The following RASA3 variants were observed in gnomAD, a reference collection of about 807,000 sequenced individuals.
RASA3 encodes RAS p21 protein activator 3.
Under a neutral mutation model 110.0 loss-of-function variants are expected in RASA3, and 73 were observed. That is an observed-to-expected ratio of 0.66 (90% CI 0.55 to 0.81). The LOEUF (loss-of-function observed/expected upper bound fraction) is 0.81. RASA3 is among the 30% of genes least tolerant of loss of function. The pLI is 0.00. For synonymous variants in RASA3, 500 were observed against 451.4 expected (o/e 1.11, Z -1.37); for missense variants, 976 against 1,113.2 (o/e 0.88, Z 1.75).
At chr13:114,091,058 T>C (rs2079885171) in intron 1 of RASA3, among the ~76,000 whole-genome samples, 1 of 152,236 alleles carries the variant, frequency 6.6e-6, no homozygotes, top group Non-Finnish European at 1.5e-5. Context: ...CATGCCCATC[T>C]GTAGACGCAC....
At chr13:114,002,752 C>G (rs966158683) in intron 18 of RASA3, among the ~76,000 whole-genome samples, 2 of 152,202 alleles carry the variant, frequency 1.3e-5, no homozygotes, top group Non-Finnish European at 2.9e-5. Context: ...CTGCACAGCT[C>G]TGGTCTGGGC....
intron 5 of RASA3, among the ~76,000 whole-genome samples, chr13:114,028,933 G>GGT (rs2054091453): frequency 4.7e-5 from 1 of 21,086 alleles, no homozygotes; most frequent in African/African-American, 2.9e-4. Context: ...GCATCATCCT[G>GGT]GGGCCAGGAC....
At chr13:114,039,869 A>G (rs1411362224) in intron 4 of RASA3, among the ~76,000 whole-genome samples, 3 of 152,204 alleles carry the variant, frequency 2.0e-5, no homozygotes, top group Non-Finnish European at 4.4e-5. Flanking sequence ...AGCCCCAGTC[A>G]GCACACAGTC....
intron 1 of RASA3, among the ~76,000 whole-genome samples, chr13:114,102,322 G>A (rs975495212): frequency 5.9e-5 from 9 of 152,046 alleles, no homozygotes; most frequent in Non-Finnish European, 7.4e-5. Context: ...GCAGAGCAGC[G>A]GGCACCGAAC....
At chr13:114,020,638 C>T (rs777816579) in intron 9 of RASA3, among the ~76,000 whole-genome samples, 14 of 152,228 alleles carry the variant, frequency 9.2e-5, no homozygotes, top group Non-Finnish European at 2.1e-4. Flanking sequence ...AAGGGACACA[C>T]ATGAACTGGA....
chr13:114,018,676 C>T (rs2053848171), intron 10 of RASA3, 87 bp downstream of exon 10: 4 of 1,515,972 alleles, frequency 2.6e-6, no homozygotes, highest in African/African-American at 1.4e-5. Flanking sequence ...GAGAAGGTGC[C>T]CTCTGGGGTG....
In RASA3 at chr13:114,107,042, C is replaced by T. The variant is rs538470505; in HGVS notation, c.55+25393G>A. Among the ~76,000 whole-genome samples, 15 of 152,384 alleles carry T rather than the reference C, an allele frequency of 9.8e-5. 1 individual carries two copies. The South Asian group carries it at 3.1e-3, about 32-fold the overall frequency. ...AAGGACGGCTTGGTGTGCACGCCCACACCTCCTCTCTCGTGCACGGCCACA... is the reference window on the plus strand; with the variant it reads ...AAGGACGGCTTGGTGTGCACGCCCATACCTCCTCTCTCGTGCACGGCCACA... On this transcript the variant is annotated intron_variant, in intron 1 of 23. Coordinates refer to ENST00000334062, the MANE Select transcript of RASA3 (RefSeq NM_007368.4).
At position 114,052,197 on chromosome 13, in the gene RASA3, G is replaced by A. The variant is rs537654028; in HGVS notation, c.174-42C>T. The stretch of plus-strand genomic sequence containing the variant: ...AAGCGCCAGTTAGAACACAGGCCAC[G>A]CTTGCGCCTCACCCCCGGGGCACAC... On this transcript the variant is annotated intron_variant, in intron 2 of 23. Coordinates refer to ENST00000334062, the MANE Select transcript of RASA3 (RefSeq NM_007368.4). 57 of 1,385,258 alleles carry A rather than the reference G, an allele frequency of 4.1e-5. No homozygotes were observed. The East Asian group carries it at 6.2e-4, about 15-fold the overall frequency. 85.8% of individuals were successfully genotyped at this position (1,385,258 alleles called of 1,614,324 possible).
chr13:114,039,159 G>T (rs190121918), intron 4 of RASA3, among the ~76,000 whole-genome samples: 4 of 152,350 alleles, frequency 2.6e-5, no homozygotes, highest in East Asian at 3.9e-4. Context: ...ACACACTGTG[G>T]TACCAGCTGA....
chr13:114,081,462 A>C (rs1323316834), intron 1 of RASA3, among the ~76,000 whole-genome samples: 1 of 152,206 alleles, frequency 6.6e-6, no homozygotes, highest in African/African-American at 2.4e-5. Context: ...CGTGGTTCTG[A>C]CTGCCTGTGA....
At chr13:114,124,821 C>T (rs957421630) in intron 1 of RASA3, among the ~76,000 whole-genome samples, 5 of 152,226 alleles carry the variant, frequency 3.3e-5, no homozygotes, top group African/African-American at 4.8e-5. Flanking sequence ...CCTCCACAGC[C>T]GACACTGTTC....
chr13:114,073,709 G>C lies in RASA3; in HGVS notation c.173+11C>G, dbSNP rs56387593. ...CACATCAGTGCCAAGTAAAGCAACA[G>C]AAGACATTACCAGAGTGACTTTTCC... On this transcript the variant is annotated intron_variant, in intron 2 of 23. Coordinates refer to ENST00000334062, the MANE Select transcript of RASA3 (RefSeq NM_007368.4). 1.9e-6 allele frequency: 3 copies of C among 1,596,812 alleles called. No homozygotes were observed. The Admixed American group carries it at 5.0e-5, about 27-fold the overall frequency.
At chr13:114,054,188 A>C (rs2079198816) in intron 2 of RASA3, among the ~76,000 whole-genome samples, 1 of 152,236 alleles carries the variant, frequency 6.6e-6, no homozygotes, top group Admixed American at 6.5e-5. Flanking sequence ...AAATATTAGT[A>C]AGTCAGTTAT....
chr13:114,131,747 C>G (rs1235571912), intron 1 of RASA3, among the ~76,000 whole-genome samples: 1 of 151,822 alleles, frequency 6.6e-6, no homozygotes, highest in African/African-American at 2.4e-5. Context: ...CGCGCACACA[C>G]ACGCGCCCAC....
chr13:114,093,334 C>T (rs756974742), intron 1 of RASA3, among the ~76,000 whole-genome samples: 18 of 152,218 alleles, frequency 1.2e-4, no homozygotes, highest in East Asian at 5.8e-4. Flanking sequence ...TTGCTGGGTA[C>T]ACTATTTTTA....
In RASA3 at chr13:114,061,833, G is replaced by A. The variant is rs371956333; in HGVS notation, c.174-9678C>T. On this transcript the variant is annotated intron_variant, in intron 2 of 23. Coordinates refer to ENST00000334062, the MANE Select transcript of RASA3 (RefSeq NM_007368.4). ...TTTCTGGTGCCCTATCCACGGAGGC[G>A]GCAGTGGGATTCAGCCGTCACCTGT... Among the ~76,000 whole-genome samples the A allele has an allele frequency of 1.4e-3, 212 of 152,328 alleles. 5 individuals are homozygous for A. In the South Asian group the frequency reaches 0.035, roughly 25 times the overall value.
chr13:114,024,760 A>G (rs1427536748), intron 7 of RASA3, among the ~76,000 whole-genome samples: 1 of 152,180 alleles, frequency 6.6e-6, no homozygotes, highest in Non-Finnish European at 1.5e-5. Context: ...CCCCACCTCA[A>G]GGCTCTATTT....
intron 4 of RASA3, among the ~76,000 whole-genome samples, chr13:114,030,791 ACCTGTATGTGTGTCCG>A (rs992029519): frequency 2.8e-5 from 4 of 144,646 alleles, no homozygotes; most frequent in Non-Finnish European, 4.5e-5. Context: ...GTGCATGTCC[ACCTGTATGTGTGTCCG>A]CCTGTGTCTG....
intron 1 of RASA3, among the ~76,000 whole-genome samples, chr13:114,119,189 C>T (rs1244227592): frequency 1.3e-5 from 2 of 152,154 alleles, no homozygotes; most frequent in African/African-American, 4.8e-5. Context: ...AAAAAAGGCA[C>T]TTAGCAAAAA....
Sources: gnomAD v4.1 joint callset for allele counts (sites outside exome capture counted in the v4.1 genomes callset) on GRCh38, gnomAD v4.1.1 for gene constraint, MANE v1.5 for transcripts, NCBI Gene and HGNC (gene_info 2026-07-23, HGNC 2026-07-21) for gene names.